GNB1: variants seen among roughly 807,000 people sequenced by gnomAD.
GNB1 encodes guanine nucleotide-binding protein G(I)/G(S)/G(T) subunit beta-1.
Under a neutral mutation model 42.9 loss-of-function variants are expected in GNB1, and 2 were observed. The ratio of observed to expected loss-of-function variants is 0.05; its 90% CI spans 0.02 to 0.15. GNB1 has a LOEUF of 0.15. GNB1 is among the 10% of genes least tolerant of loss of function. The pLI is 1.00. For missense variants in GNB1, 193 were observed against 462.2 expected, an observed-to-expected ratio of 0.42 and a Z score of 5.34; for synonymous variants, 183 against 174.7, an observed-to-expected ratio of 1.05 and a Z score of -0.38.
At chr1:1,825,363 T>G (rs1317031728) in intron 3 of GNB1, 34 bp downstream of exon 3, 1 of 1,490,008 alleles carries the variant, frequency 6.7e-7, no homozygotes, top group East Asian at 2.3e-5. Context: ...GAAACTCAAA[T>G]GATTAATAAA....
chr1:1,852,815 C>T (rs113028914), intron 1 of GNB1, among the ~76,000 whole-genome samples: 96 of 152,266 alleles, frequency 6.3e-4, no homozygotes, highest in African/African-American at 2.1e-3. Flanking sequence ...CCTGCTCTCA[C>T]CAACCCAGCT....
intron 2 of GNB1, among the ~76,000 whole-genome samples, chr1:1,836,216 TG>T (rs1647147216): frequency 6.6e-6 from 1 of 152,086 alleles, no homozygotes; most frequent in Non-Finnish European, 1.5e-5. Context: ...CCAACAACGC[TG>T]GGTGGGTGTC....
At chr1:1,807,713 CTT>C (rs950959780) in intron 5 of GNB1, among the ~76,000 whole-genome samples, 3 of 144,122 alleles carry the variant, frequency 2.1e-5, no homozygotes, top group Admixed American at 7.0e-5. Flanking sequence ...TTCTTTTTTT[CTT>C]TTTTTTTTTT....
intron 3 of GNB1, 159 bp from the exon 4 acceptor site, chr1:1,818,034 G>GTC: frequency 3.3e-6 from 2 of 610,134 alleles, no homozygotes; most frequent in Non-Finnish European, 6.0e-6. Context: ...ACACCCCATG[G>GTC]TCTACTACCA....
At chr1:1,802,444 A>G (rs1275847174) in intron 7 of GNB1, among the ~76,000 whole-genome samples, 1 of 152,238 alleles carries the variant, frequency 6.6e-6, no homozygotes, top group Admixed American at 6.5e-5. Flanking sequence ...ACTCACAAGG[A>G]TATTAAAAAT....
chr1:1,811,761 C>T lies in GNB1; in HGVS notation c.203+3995G>A, dbSNP rs139552947. On this transcript the variant is annotated intron_variant, in intron 5 of 11. Transcript: ENST00000378609. ...CGAGTGTCCATAAATCAAACAAACA[C>T]AGTTAAAGGAATGGTATTCATAGGC... 2.8e-3 allele frequency among the ~76,000 whole-genome samples: 426 copies of T among 150,474 alleles called. 4 individuals are homozygous for T. Among genetic ancestry groups the T allele is most frequent in the African/African-American group, 9.3e-3 (383 of 41,022 alleles).
intron 6 of GNB1, among the ~76,000 whole-genome samples, chr1:1,805,053 T>G (rs1646678088): frequency 6.6e-6 from 1 of 152,216 alleles, no homozygotes; most frequent in South Asian, 2.1e-4. Flanking sequence ...TTTCAGCTAC[T>G]TGAGTGACTG....
intron 1 of GNB1, among the ~76,000 whole-genome samples, chr1:1,874,344 CG>C (rs1298180232): frequency 6.6e-6 from 1 of 152,010 alleles, no homozygotes; most frequent in East Asian, 1.9e-4. Flanking sequence ...GTGGCTCACG[CG>C]TGTCTGTAAT....
At chr1:1,817,379 A>G (rs1477137938) in intron 4 of GNB1, among the ~76,000 whole-genome samples, 1 of 152,100 alleles carries the variant, frequency 6.6e-6, no homozygotes, top group Non-Finnish European at 1.5e-5. Context: ...CATTTTGGCT[A>G]TTGTGAATGG....
Position 1,833,465 on chromosome 1 carries a change from C to A in GNB1, c.-47+5725G>T, listed in dbSNP as rs1488966760. The stretch of plus-strand genomic sequence containing the variant: ...GAGGAATAAGGGGAGCAGGGGACCA[C>A]CGCAACTGATAAAGGACACGACCAC... On this transcript the variant is annotated intron_variant, in intron 2 of 11. Transcript: ENST00000378609. Among the ~76,000 whole-genome samples, 6 of 152,294 alleles carry A rather than the reference C, an allele frequency of 3.9e-5. No individual in the cohort carries two copies. In the South Asian group the frequency reaches 8.3e-4, roughly 21 times the overall value.
chr1:1,866,742 C>T (rs975810561), intron 1 of GNB1, among the ~76,000 whole-genome samples: 2 of 148,868 alleles, frequency 1.3e-5, no homozygotes, highest in African/African-American at 5.0e-5. Flanking sequence ...ATCACGAGGT[C>T]AGGAGATCGA....
intron 1 of GNB1, among the ~76,000 whole-genome samples, chr1:1,847,030 A>G (rs6687065): frequency 0.39 from 59,342 of 152,050 alleles, 14,288 homozygotes; most frequent in Admixed American, 0.54. Context: ...GAGGAAAAGA[A>G]AATCTTCCTG....
intron 2 of GNB1, among the ~76,000 whole-genome samples, chr1:1,837,815 G>C (rs1647173211): frequency 6.6e-6 from 1 of 151,538 alleles, no homozygotes; most frequent in African/African-American, 2.4e-5. Context: ...TGCCCACCTT[G>C]GCCTCCCAAA....
chr1:1,866,702 C>A (rs944025109), intron 1 of GNB1, among the ~76,000 whole-genome samples: 5 of 151,730 alleles, frequency 3.3e-5, no homozygotes, highest in African/African-American at 1.2e-4. Context: ...CGCCTGTAAT[C>A]CCAGCACTTT....
chr1:1,823,111 G>A (rs1030340694), intron 3 of GNB1, among the ~76,000 whole-genome samples: 47 of 151,738 alleles, frequency 3.1e-4, no homozygotes, highest in African/African-American at 9.2e-4. Flanking sequence ...GTGTGGTGGC[G>A]GGCGCCTATA....
intron 1 of GNB1, among the ~76,000 whole-genome samples, chr1:1,886,508 G>A (rs1359383198): frequency 6.6e-6 from 1 of 152,028 alleles, no homozygotes; most frequent in African/African-American, 2.4e-5. Flanking sequence ...TCCCATATAC[G>A]TTGGCCCTGC....
chr1:1,791,235 G>A (rs1004982360), intron 8 of GNB1, among the ~76,000 whole-genome samples: 57 of 150,228 alleles, frequency 3.8e-4, no homozygotes, highest in South Asian at 1.5e-3. Context: ...GCAATGGCGC[G>A]ATCTTGGCTC....
At chr1:1,877,396 G>T (rs755776855) in intron 1 of GNB1, among the ~76,000 whole-genome samples, 2 of 151,278 alleles carry the variant, frequency 1.3e-5, no homozygotes, top group African/African-American at 2.4e-5. Context: ...ATGCATGAGA[G>T]ATACAAAACA....
At chr1:1,806,362 T>A in intron 6 of GNB1, 113 bp downstream of exon 6, 1 of 644,654 alleles carries the variant, frequency 1.6e-6, no homozygotes, top group Non-Finnish European at 2.8e-6. Context: ...AAACAGAGCT[T>A]GCCGCTGCTG....
Sources: gnomAD v4.1 joint callset for allele counts (sites outside exome capture counted in the v4.1 genomes callset) on GRCh38, gnomAD v4.1.1 for gene constraint, MANE v1.5 for transcripts, NCBI Gene and HGNC (gene_info 2026-07-23, HGNC 2026-07-21) for gene names.